Variants in MYO16 observed in about 807,000 individuals in gnomAD.
MYO16 encodes the protein myosin XVI.
In MYO16, 94 loss-of-function variants were observed where a neutral mutation model predicts 205.3. The ratio of observed to expected loss-of-function variants is 0.46; its 90% CI spans 0.39 to 0.54. The LOEUF (loss-of-function observed/expected upper bound fraction) is 0.54, where lower values mean the gene tolerates loss of function less well. MYO16 is among the 20% of genes least tolerant of loss of function. The pLI, the probability that MYO16 is intolerant of heterozygous loss-of-function variation, is 0.00. For missense variants in MYO16, 2,315 were observed against 2,387.5 expected (o/e 0.97, Z 0.63); for synonymous variants, 988 against 954.0 (o/e 1.04, Z -0.66).
the MYO16 span, among the ~76,000 whole-genome samples, chr13:108,530,779 G>A: frequency 6.6e-6 from 1 of 152,160 alleles, no homozygotes; most frequent in Non-Finnish European, 1.5e-5. Flanking sequence ...TATTGTTAAT[G>A]AGTATTATCA....
At chr13:108,500,017 C>T in the MYO16 span, among the ~76,000 whole-genome samples, 2 of 151,692 alleles carry the variant, frequency 1.3e-5, no homozygotes, top group East Asian at 3.9e-4. Flanking sequence ...TGGCCCCTCT[C>T]TTCCTTTCTT....
intron 4 of MYO16, among the ~76,000 whole-genome samples, chr13:108,759,778 C>T (rs775563976): frequency 4.6e-5 from 7 of 150,788 alleles, no homozygotes; most frequent in Non-Finnish European, 1.0e-4. Context: ...CGAGATCGCG[C>T]CACTGCACTC....
At chr13:109,052,817 TTC>T (rs1229496069) in intron 25 of MYO16, among the ~76,000 whole-genome samples, 1 of 152,142 alleles carries the variant, frequency 6.6e-6, no homozygotes, top group East Asian at 1.9e-4. Flanking sequence ...AGCTATCTTA[TTC>T]TGTTGATATT....
chr13:109,137,921 C>A (rs1876858213), intron 31 of MYO16, among the ~76,000 whole-genome samples: 1 of 152,224 alleles, frequency 6.6e-6, no homozygotes, highest in Admixed American at 6.5e-5. Context: ...TGGTTCTCAT[C>A]TTCAAGGCCT....
At chr13:109,052,005 A>G (rs1566482302) in intron 24 of MYO16, among the ~76,000 whole-genome samples, 1 of 152,170 alleles carries the variant, frequency 6.6e-6, no homozygotes, top group Non-Finnish European at 1.5e-5. Context: ...AGGTCTGAGC[A>G]GGTAAGATTT....
intron 1 of MYO16, among the ~76,000 whole-genome samples, chr13:108,622,864 G>A (rs1272944401): frequency 1.3e-5 from 2 of 151,972 alleles, no homozygotes; most frequent in Non-Finnish European, 2.9e-5. Flanking sequence ...AGCAATGGAC[G>A]GAAAGCCTGA....
At chr13:108,955,583 G>A (rs528910749) in intron 16 of MYO16, among the ~76,000 whole-genome samples, 2 of 152,250 alleles carry the variant, frequency 1.3e-5, no homozygotes, top group African/African-American at 4.8e-5. Context: ...AGCCAGGCGC[G>A]GTGGCTCATG....
intron 4 of MYO16, among the ~76,000 whole-genome samples, chr13:108,759,714 C>A (rs34106584): frequency 4.6e-5 from 7 of 151,066 alleles, no homozygotes; most frequent in Non-Finnish European, 7.4e-5. Flanking sequence ...CCAGCTACTC[C>A]GGAGGCTAAG....
chr13:108,736,036 G>T (rs1375377036), intron 4 of MYO16, among the ~76,000 whole-genome samples: 1 of 152,088 alleles, frequency 6.6e-6, no homozygotes, highest in Non-Finnish European at 1.5e-5. Flanking sequence ...TGTAGATCCT[G>T]GATATTAGCC....
chr13:108,632,078 CA>C (rs59971095), intron 1 of MYO16, among the ~76,000 whole-genome samples: 4,231 of 67,282 alleles, frequency 0.063, 126 homozygotes, highest in East Asian at 0.26. Flanking sequence ...AACCCCAACT[CA>C]AAAAAAAAAA....
At chr13:108,848,658 G>T (rs975110956) in intron 10 of MYO16, among the ~76,000 whole-genome samples, 1 of 151,964 alleles carries the variant, frequency 6.6e-6, no homozygotes, top group Non-Finnish European at 1.5e-5. Flanking sequence ...AACGTAGCAG[G>T]GTTTGGTGGC....
chr13:108,960,326 G>A (rs1012823180), intron 17 of MYO16, among the ~76,000 whole-genome samples: 2 of 150,806 alleles, frequency 1.3e-5, no homozygotes, highest in African/African-American at 4.9e-5. Context: ...TAAGAAATTT[G>A]AGAGGCTTGA....
At chr13:108,907,435 A>G (rs1282518006) in intron 15 of MYO16, among the ~76,000 whole-genome samples, 1 of 152,208 alleles carries the variant, frequency 6.6e-6, no homozygotes, top group Non-Finnish European at 1.5e-5. Context: ...AGTTAGTAGA[A>G]TGTTTCTTTT....
At chr13:108,592,531 G>A (rs1348569560), upstream of MYO16, among the ~76,000 whole-genome samples, 2 of 136,682 alleles carry the variant, frequency 1.5e-5, no homozygotes, top group Non-Finnish European at 3.2e-5. Flanking sequence ...GGGGATGGTG[G>A]GTGGGGGAAA....
chr13:109,114,367 A>T (rs1875564663), intron 28 of MYO16, among the ~76,000 whole-genome samples: 1 of 152,186 alleles, frequency 6.6e-6, no homozygotes, highest in African/African-American at 2.4e-5. Context: ...TTGAGACTTT[A>T]TAGGATCAAG....
intron 32 of MYO16, among the ~76,000 whole-genome samples, chr13:109,157,117 C>T (rs566284754): frequency 6.6e-6 from 1 of 152,016 alleles, no homozygotes; most frequent in Non-Finnish European, 1.5e-5. Context: ...GGATTGAACT[C>T]AGCTTCCTCC....
chr13:108,994,825 CTTCATAGTGGAT>C (rs1327700184), intron 21 of MYO16, among the ~76,000 whole-genome samples: 1 of 152,072 alleles, frequency 6.6e-6, no homozygotes, highest in Non-Finnish European at 1.5e-5. Flanking sequence ...AGAAAAAAGT[CTTCATAGTGGAT>C]TTCATAGTGG....
intron 27 of MYO16, among the ~76,000 whole-genome samples, chr13:109,081,016 G>A (rs957487305): frequency 3.3e-5 from 5 of 151,930 alleles, no homozygotes; most frequent in African/African-American, 9.7e-5. Context: ...AAACAAAAAC[G>A]TATTGACAGA....
At chr13:108,499,869 G>A in the MYO16 span, among the ~76,000 whole-genome samples, 1 of 152,130 alleles carries the variant, frequency 6.6e-6, no homozygotes, top group Non-Finnish European at 1.5e-5. Flanking sequence ...GAAAAAGCCT[G>A]GGCAGAAGCG....
Sources: allele counts gnomAD v4.1 joint callset (sites outside exome capture counted in the v4.1 genomes callset), GRCh38; gene constraint gnomAD v4.1.1; transcripts MANE v1.5; gene names NCBI Gene and HGNC (gene_info 2026-07-23, HGNC 2026-07-21).